C4orf50: variants seen among roughly 807,000 people sequenced by gnomAD.
C4orf50 encodes the protein uncharacterized protein C4orf50.
A neutral mutation model predicts 77.2 loss-of-function variants in C4orf50; 80 were observed. The observed-to-expected ratio is 1.04, with a 90% CI of 0.87 to 1.25. The LOEUF is 1.25. Ranked by LOEUF, C4orf50 falls within the 50% of genes most tolerant of loss-of-function variation. C4orf50 has a pLI of 0.00. For synonymous variants in C4orf50, 532 were observed against 465.3 expected (o/e 1.14, Z -1.84); for missense variants, 1,257 against 1,152.9 (o/e 1.09, Z -1.31).
intron 25 of C4orf50, among the ~76,000 whole-genome samples, chr4:5,996,534 T>A (rs1721598020): frequency 6.7e-6 from 1 of 149,760 alleles, no homozygotes; most frequent in Admixed American, 6.6e-5. Context: ...TGGACCTCTC[T>A]TCCCACCCTC....
chr4:5,943,858 C>T (rs190859268), intron 7 of C4orf50, among the ~76,000 whole-genome samples: 24 of 152,308 alleles, frequency 1.6e-4, no homozygotes, highest in Admixed American at 1.3e-3. Context: ...CCTTAAACGA[C>T]GAATTCCTTT....
chr4:5,936,061 T>G (rs1470290052), intron 7 of C4orf50, among the ~76,000 whole-genome samples: 1 of 152,126 alleles, frequency 6.6e-6, no homozygotes, highest in Non-Finnish European at 1.5e-5. Context: ...AAAATAATTT[T>G]AGGTTATTTT....
chr4:5,917,406 CTTTTTTTTTTTTTT>C (rs34928524), intron 7 of C4orf50, among the ~76,000 whole-genome samples: 5 of 86,404 alleles, frequency 5.8e-5, no homozygotes, highest in East Asian at 5.2e-4. Context: ...TCCTGTATTT[CTTTTTTTTTTTTTT>C]TTTTTTTTTT....
chr4:5,988,755 A>G (rs555763797), exon 28 of C4orf50: 61 of 1,535,966 alleles, frequency 4.0e-5, no homozygotes, highest in Non-Finnish European at 5.3e-5. Context: ...TCTCCAGGAC[A>G]TGGACCCTGC....
intron 25 of C4orf50, among the ~76,000 whole-genome samples, chr4:6,004,242 T>C (rs1722088580): frequency 1.5e-3 from 140 of 92,014 alleles, no homozygotes; most frequent in Middle Eastern, 9.3e-3. Context: ...GTGATGATGA[T>C]GGTGATGATG....
chr4:5,944,447 G>A (rs1195624128), intron 7 of C4orf50, among the ~76,000 whole-genome samples: 3 of 152,182 alleles, frequency 2.0e-5, no homozygotes, highest in Admixed American at 6.5e-5. Context: ...AAACTATGTG[G>A]AATGAAATGA....
rs1560598314 is a variant in C4orf50 at position 6,004,024 on chromosome 4, A to ATAGTG, written c.963+3971_963+3972insCACTA. Among the ~76,000 whole-genome samples the ATAGTG allele has an allele frequency of 1.6e-3, 167 of 104,526 alleles. 1 individual carries two copies. The highest frequency in any genetic ancestry group is 2.2e-3 in the African/African-American group (63 of 28,908). The allele number at this position is 104,526 out of a possible 152,430, so 68.6% of individuals were successfully genotyped here. A position where few individuals can be genotyped will look rare whatever the true frequency, so the allele number is the denominator to read the frequency against. On this transcript the variant is annotated intron_variant, in intron 25 of 33. Transcript: ENST00000531445. ...GTGATGGTGATGATGTGATGGTGAT[A>ATAGTG]ATGTGATAGTGATGATGGTGATGGT... is the stretch of plus-strand genomic sequence containing the variant.
intron 33 of C4orf50, among the ~76,000 whole-genome samples, chr4:5,964,165 G>A (rs1719422832): frequency 6.6e-6 from 1 of 152,200 alleles, no homozygotes; most frequent in Admixed American, 6.5e-5. Flanking sequence ...CCCTCGAGGT[G>A]AAGGCAGGGT....
intron 7 of C4orf50, among the ~76,000 whole-genome samples, chr4:5,927,963 G>A (rs1577897513): frequency 2.6e-5 from 4 of 152,160 alleles, no homozygotes; most frequent in Admixed American, 6.5e-5. Context: ...TGCCACTGAT[G>A]TGTCCTGAGT....
At chr4:5,980,262 G>A in exon 29 of C4orf50, 1 of 1,613,008 alleles carries the variant, frequency 6.2e-7, no homozygotes, top group Non-Finnish European at 8.5e-7. Context: ...GCACTGCAGG[G>A]TCAGCACCCG....
chr4:5,990,530 C>G, exon 28 of C4orf50: 1 of 399,138 alleles, frequency 2.5e-6, no homozygotes, highest in Non-Finnish European at 4.4e-6. Context: ...TGTCCTGTGG[C>G]TTTGGGAGGA....
At chr4:5,922,916 C>A (rs1172912996) in intron 7 of C4orf50, among the ~76,000 whole-genome samples, 1 of 152,202 alleles carries the variant, frequency 6.6e-6, no homozygotes, top group Non-Finnish European at 1.5e-5. Flanking sequence ...GAGCCTAGAC[C>A]TTCACCTCAC....
In C4orf50 at chr4:6,015,867, G is replaced by A. The variant is rs1013861202; in HGVS notation, c.287+2278C>T. ...ACTCAACCCTCTCTGTCTCCCTCTCGCAAGGATACTTGTGATTGGTCTTAG... is the reference window on the plus strand; with the variant it reads ...ACTCAACCCTCTCTGTCTCCCTCTCACAAGGATACTTGTGATTGGTCTTAG... On this transcript the variant is annotated intron_variant, in intron 23 of 33. Transcript: ENST00000531445. This position sits in a 1 kb window ranked among gnomAD's most constrained non-coding sequence, Gnocchi z 4.4. Among the ~76,000 whole-genome samples the A allele has an allele frequency of 2.0e-5, 3 of 152,038 alleles. No homozygotes were observed. Among genetic ancestry groups the A allele is most frequent in the East Asian group, 1.9e-4 (1 of 5,172 alleles).
chr4:6,004,348 A>ATGTGGTGGTGATGGTGATGG (rs1483893163), intron 25 of C4orf50, among the ~76,000 whole-genome samples: 12 of 98,052 alleles, frequency 1.2e-4, no homozygotes, highest in Non-Finnish European at 2.0e-4. Flanking sequence ...GATGGTGATG[A>ATGTGGTGGTGATGGTGATGG]TGACGGTGAT....
intron 7 of C4orf50, among the ~76,000 whole-genome samples, chr4:5,948,494 G>T (rs563302823): frequency 1.3e-5 from 2 of 152,016 alleles, no homozygotes; most frequent in African/African-American, 4.8e-5. Flanking sequence ...GTGAAACCCC[G>T]CTTCTACTAA....
chr4:6,002,658 C>T (rs570365652), intron 25 of C4orf50, among the ~76,000 whole-genome samples: 1 of 152,320 alleles, frequency 6.6e-6, no homozygotes, highest in Admixed American at 6.5e-5. Flanking sequence ...CTTCCCCCCA[C>T]CAGGTGGGCT....
rs1485769956 is a variant in C4orf50 at position 5,992,995 on chromosome 4, T to C, written c.1094-65A>G. ...CCAGGGGCTCTGCCATGATCGCCTC[T>C]AGGGACCACGTCCCCCAGGCTTGGG... On this transcript the variant is annotated intron_variant, in intron 26 of 33. Coordinates refer to ENST00000531445, the Ensembl canonical transcript of C4orf50. This position sits in a 1 kb window ranked among gnomAD's most constrained non-coding sequence, Gnocchi z 5.0. 1 of 396,088 alleles carries C rather than the reference T, an allele frequency of 2.5e-6. No individual in the cohort carries two copies. The highest frequency in any genetic ancestry group is 3.6e-5 in the East Asian group (1 of 27,838). The allele number at this position is 396,088 out of a possible 1,614,324, so 24.5% of individuals were successfully genotyped here.
intron 7 of C4orf50, among the ~76,000 whole-genome samples, chr4:5,945,874 T>A (rs1280769343): frequency 6.6e-6 from 1 of 152,104 alleles, no homozygotes; most frequent in Non-Finnish European, 1.5e-5. Flanking sequence ...CCCAGTTTCA[T>A]CCATTCTCTG....
chr4:5,904,969 T>C (rs1716488518), intron 7 of C4orf50: 1 of 152,176 alleles, frequency 6.6e-6, no homozygotes, highest in Non-Finnish European at 1.5e-5. Context: ...TCGAAGGAAC[T>C]GCATTTTACA....
Sources: allele counts gnomAD v4.1 joint callset (sites outside exome capture counted in the v4.1 genomes callset), GRCh38; gene constraint gnomAD v4.1.1; non-coding constraint Gnocchi (gnomAD v3.1); transcripts MANE v1.5; gene names NCBI Gene and HGNC (gene_info 2026-07-23, HGNC 2026-07-21).